MNS1: variants seen among roughly 807,000 people sequenced by gnomAD.
The protein encoded by MNS1 is meiosis specific nuclear structural 1.
In MNS1, 63 loss-of-function variants were observed where a neutral mutation model predicts 72.0. The ratio of observed to expected loss-of-function variants is 0.87; its 90% CI spans 0.71 to 1.08. The LOEUF (loss-of-function observed/expected upper bound fraction) is 1.08. MNS1 is among the 50% of genes least tolerant of loss of function. The pLI is 0.00. For missense variants in MNS1, 604 were observed against 562.4 expected, an observed-to-expected ratio of 1.07 and a Z score of -0.75; for synonymous variants, 188 against 172.1, an observed-to-expected ratio of 1.09 and a Z score of -0.72.
At chr15:56,460,658 A>C (rs1278342619) in intron 2 of MNS1, among the ~76,000 whole-genome samples, 1 of 150,856 alleles carries the variant, frequency 6.6e-6, no homozygotes, top group Middle Eastern at 3.2e-3. Context: ...CTTATCTCAA[A>C]ATAATAAGTT....
At chr15:56,433,366 A>T (rs964772016) in intron 8 of MNS1, among the ~76,000 whole-genome samples, 1 of 152,048 alleles carries the variant, frequency 6.6e-6, no homozygotes, top group South Asian at 2.1e-4. Context: ...ACCATGGCAC[A>T]TGTATACCTG....
intron 1 of MNS1, among the ~76,000 whole-genome samples, chr15:56,464,597 A>ACCG (rs2051046445): frequency 6.6e-6 from 1 of 150,992 alleles, no homozygotes; most frequent in Non-Finnish European, 1.5e-5. Context: ...CACCACCACC[A>ACCG]CGACTACCAC....
chr15:56,463,194 A>G (rs2051033839), intron 2 of MNS1, among the ~76,000 whole-genome samples: 1 of 152,136 alleles, frequency 6.6e-6, no homozygotes, highest in Non-Finnish European at 1.5e-5. Flanking sequence ...TAAAATGTTG[A>G]GATATACCTA....
intron 7 of MNS1, among the ~76,000 whole-genome samples, chr15:56,434,951 TAAGTC>T (rs2050694717): frequency 6.6e-6 from 1 of 152,116 alleles, no homozygotes. Flanking sequence ...TTGGAACAGT[TAAGTC>T]CTTTCCTATA....
intron 2 of MNS1, among the ~76,000 whole-genome samples, chr15:56,458,663 GT>G (rs1448279339): frequency 6.6e-6 from 1 of 152,020 alleles, no homozygotes; most frequent in Non-Finnish European, 1.5e-5. Flanking sequence ...TGTTTCCATA[GT>G]TTTGCCTTTC....
At chr15:56,443,923 C>T in intron 5 of MNS1, 69 bp from the exon 6 acceptor site, 1 of 1,188,934 alleles carries the variant, frequency 8.4e-7, no homozygotes, top group Non-Finnish European at 1.2e-6. Flanking sequence ...TCATTTTGTT[C>T]ATAATAATGT....
At chr15:56,439,721 TCA>T (rs1464090738) in intron 7 of MNS1, among the ~76,000 whole-genome samples, 1 of 138,706 alleles carries the variant, frequency 7.2e-6, no homozygotes, top group Non-Finnish European at 1.6e-5. Flanking sequence ...TCAAAACAGA[TCA>T]CAGATTGAAA....
intron 4 of MNS1, 143 bp downstream of exon 4, chr15:56,446,698 A>C (rs968026664): frequency 1.6e-5 from 10 of 607,446 alleles, no homozygotes; most frequent in Non-Finnish European, 2.2e-5. Context: ...GATTTTCTAC[A>C]TCTTAAGGAT....
intron 7 of MNS1, among the ~76,000 whole-genome samples, chr15:56,437,989 T>G (rs2050757146): frequency 6.6e-6 from 1 of 152,286 alleles, no homozygotes; most frequent in East Asian, 1.9e-4. Context: ...TGGAAGAACA[T>G]TCCATGCTCA....
intron 9 of MNS1, chr15:56,430,071 C>G (rs1227201575): frequency 6.6e-6 from 1 of 152,086 alleles, no homozygotes; most frequent in Non-Finnish European, 1.5e-5. Flanking sequence ...TTTTTCCTTC[C>G]TTAGCACCAG....
At chr15:56,454,978 T>C (rs1437240237) in intron 3 of MNS1, among the ~76,000 whole-genome samples, 1 of 152,128 alleles carries the variant, frequency 6.6e-6, no homozygotes, top group East Asian at 1.9e-4. Flanking sequence ...CATACTGCCA[T>C]ATGCTTATTG....
In MNS1 at chr15:56,443,755, C is replaced by T; in HGVS notation, c.786G>A (p.Glu262=). 9 of 1,613,262 alleles carry T rather than the reference C, an allele frequency of 5.6e-6. No homozygotes were observed. The highest frequency in any genetic ancestry group is 7.6e-6 in the Non-Finnish European group (9 of 1,179,714). ...QALWRKKKRE[E]MEEENRKIIE... Reference sequence around the variant, plus strand: ...TGATTTTTCTGTTTTCTTCTTCCATCTCCTCACGTTTCTTTTTTCTCCAGA... The same window carrying T: ...TGATTTTTCTGTTTTCTTCTTCCATTTCCTCACGTTTCTTTTTTCTCCAGA... The change falls in exon 6 of 10, where the codon GAG becomes GAA. Residue 262 remains glutamate (E), a synonymous_variant. Coordinates refer to ENST00000260453, the MANE Select transcript of MNS1 (RefSeq NM_018365.4).
Position 56,460,009 on chromosome 15 carries a change from A to AAAAAAATATATATATATATATATATAT in MNS1, c.226-3489_226-3488insATATATATATATATATATATATTTTTT. On this transcript the variant is annotated intron_variant, in intron 2 of 9. Transcript: ENST00000260453. ...CTGTCTCAAAAAAAAAAAAAAAAAAAATACATATATATATATATATATATA... is the reference window on the plus strand; with the variant it reads ...CTGTCTCAAAAAAAAAAAAAAAAAAAAAAAAATATATATATATATATATATATATACATATATATATATATATATATA... Among the ~76,000 whole-genome samples, 25 of 26,364 alleles carry AAAAAAATATATATATATATATATATAT rather than the reference A, an allele frequency of 9.5e-4. 2 individuals are homozygous for AAAAAAATATATATATATATATATATAT. The highest frequency in any genetic ancestry group is 1.7e-3 in the Admixed American group (3 of 1,798). 17.3% of individuals were successfully genotyped at this position (26,364 alleles called of 152,430 possible).
chr15:56,429,899 TCAAATCC>T (rs1159741628), intron 9 of MNS1: 1 of 152,172 alleles, frequency 6.6e-6, no homozygotes, highest in African/African-American at 2.4e-5. Context: ...TACAAAAATA[TCAAATCC>T]CAAAGAAAGA....
At chr15:56,434,808 T>A (rs1596254485) in intron 7 of MNS1, among the ~76,000 whole-genome samples, 1 of 152,172 alleles carries the variant, frequency 6.6e-6, no homozygotes, top group East Asian at 1.9e-4. Flanking sequence ...TCCAACCTCC[T>A]CCTCAAAATC....
chr15:56,464,367 C>T (rs1248133670), intron 1 of MNS1, 120 bp from the exon 2 acceptor site: 3 of 721,344 alleles, frequency 4.2e-6, no homozygotes, highest in Non-Finnish European at 6.9e-6. Flanking sequence ...TTCCTAAATT[C>T]AAAGGAGTAT....
At chr15:56,454,949 C>T (rs1007295624) in intron 3 of MNS1, among the ~76,000 whole-genome samples, 5 of 152,062 alleles carry the variant, frequency 3.3e-5, no homozygotes, top group Admixed American at 1.3e-4. Flanking sequence ...AAGTGTACAG[C>T]TTGTAGAACG....
intron 7 of MNS1, among the ~76,000 whole-genome samples, chr15:56,440,305 T>C (rs948206108): frequency 6.6e-6 from 1 of 152,168 alleles, no homozygotes; most frequent in Non-Finnish European, 1.5e-5. Context: ...AAAAATAAAC[T>C]GTGTTAACAC....
Position 56,431,511 on chromosome 15 carries a change from A to T in MNS1, c.1270-13T>A. 1 of 1,613,242 alleles carries T rather than the reference A, an allele frequency of 6.2e-7. No individual in the cohort carries two copies. The highest frequency in any genetic ancestry group is 8.5e-7 in the Non-Finnish European group (1 of 1,179,808). ...CTAGTTCACGTTGCTGGAAATGCAG[A>T]TCAAATTTTGTTATCACAAAGTACA... On this transcript the variant is annotated splice_polypyrimidine_tract_variant and intron_variant, in intron 8 of 9. Coordinates refer to ENST00000260453, the MANE Select transcript of MNS1 (RefSeq NM_018365.4).
Sources: allele counts gnomAD v4.1 joint callset (sites outside exome capture counted in the v4.1 genomes callset), GRCh38; gene constraint gnomAD v4.1.1; transcripts MANE v1.5; gene names NCBI Gene and HGNC (gene_info 2026-07-23, HGNC 2026-07-21).